ISLR2: variants seen among roughly 807,000 people sequenced by gnomAD.
ISLR2 encodes the protein immunoglobulin superfamily containing leucine rich repeat 2, also known as immunoglobulin superfamily containing leucine-rich repeat protein 2.
A neutral mutation model predicts 25.5 loss-of-function variants in ISLR2; 16 were observed. That is an observed-to-expected ratio of 0.63 (90% CI 0.43 to 0.95). The LOEUF (loss-of-function observed/expected upper bound fraction) is 0.95, where lower values mean the gene tolerates loss of function less well. ISLR2 is among the 40% of genes least tolerant of loss of function. ISLR2 has a pLI of 0.00. For missense variants in ISLR2, 883 were observed against 1,030.7 expected (o/e 0.86, Z 1.96); for synonymous variants, 508 against 486.6 (o/e 1.04, Z -0.58).
upstream of ISLR2, chr15:74,126,894 ATTTG>A (rs1404324335): frequency 8.8e-6 from 1 of 113,332 alleles, no homozygotes; most frequent in East Asian, 2.8e-4. Context: ...TGGAGAGAAC[ATTTG>A]TGTGTGTGTG....
At chr15:74,125,123 C>T (rs1452043423), upstream of ISLR2, among the ~76,000 whole-genome samples, 1 of 152,228 alleles carries the variant, frequency 6.6e-6, no homozygotes, top group Admixed American at 6.5e-5. Context: ...CTGGCTGCCT[C>T]AGAAAATCTC....
At chr15:74,106,502 C>T (rs915211320) in intron 2 of ISLR2, among the ~76,000 whole-genome samples, 1 of 152,138 alleles carries the variant, frequency 6.6e-6, no homozygotes, top group Non-Finnish European at 1.5e-5. Context: ...GGAAGCCCAT[C>T]CTGTTGGCTC....
chr15:74,127,392 T>G (rs1179718599), upstream of ISLR2: 11 of 152,310 alleles, frequency 7.2e-5, no homozygotes, highest in African/African-American at 2.6e-4. Context: ...ATAGGAAGGT[T>G]TTGTGCCAGG....
intron 2 of ISLR2, among the ~76,000 whole-genome samples, chr15:74,119,320 T>C (rs1426324963): frequency 6.6e-6 from 1 of 151,964 alleles, no homozygotes; most frequent in African/African-American, 2.4e-5. Context: ...AAGTGATCCT[T>C]CCACCTCAGC....
At chr15:74,126,357 T>TTTTTTTTG (rs2072296613), upstream of ISLR2, 1 of 143,258 alleles carries the variant, frequency 7.0e-6, no homozygotes, top group African/African-American at 2.7e-5. Flanking sequence ...ATTTTTTTTT[T>TTTTTTTTG]TTTTTTTTTT....
Position 74,133,662 on chromosome 15 carries a change from A to G in ISLR2, c.908A>G (p.Glu303Gly). 1.2e-6 allele frequency: 2 copies of G among 1,611,158 alleles called. No homozygotes were observed. Among genetic ancestry groups the G allele is most frequent in the Non-Finnish European group, 1.7e-6 (2 of 1,178,784 alleles). The change falls in exon 3 of 3, where the codon GAA becomes GGA. Residue 303 changes from glutamate to glycine, a missense_variant. Around this residue, in one of 2 missense-constraint regions of ISLR2, gnomAD observed 612 missense variants for 642.8 expected, o/e 0.95. Coordinates refer to ENST00000453268, the MANE Select transcript of ISLR2 (RefSeq NM_020851.3). ...DGVGAEEGEGEGDGDLLTQTQ... is the reference protein window; with the variant it reads ...DGVGAEEGEGGGDGDLLTQTQ... ...GTTGGGGCGGAGGAAGGAGAGGGAG[A>G]AGGAGATGGGGATTTGCTGACGCAG...
rs768712516 is a variant in ISLR2, at chr15:74,133,012, G to T, written c.258G>T (p.Glu86Asp). The T allele has an allele frequency of 3.7e-6, 6 of 1,613,182 alleles. No individual in the cohort carries two copies. In the African/African-American group the frequency reaches 8.0e-5, roughly 22 times the overall value. ...CGTCGCTGTGGCTGGCGCACAATGA[G>T]GTGCGCACCGTGGAGCCAGGCGCAC... ...QVTSLWLAHN[E>D]VRTVEPGALA... The change falls in exon 3 of 3, where the codon GAG becomes GAT. Residue 86 changes from glutamate (E) to aspartate (D), a missense_variant. Physicochemically the swap from Glu to Asp is conservative, Grantham distance 45. Coordinates refer to ENST00000453268, the MANE Select transcript of ISLR2 (RefSeq NM_020851.3).
chr15:74,108,781 G>T (rs1256654127), intron 2 of ISLR2, among the ~76,000 whole-genome samples: 1 of 152,354 alleles, frequency 6.6e-6, no homozygotes, highest in Admixed American at 6.5e-5. Context: ...ACTATGAGGT[G>T]CCCTCTGGGC....
Position 74,133,707 on chromosome 15 carries a change from C to G in ISLR2, c.953C>G (p.Thr318Ser). 6.2e-7 allele frequency: 1 copy of G among 1,608,450 alleles called. No individual in the cohort carries two copies. The highest frequency in any genetic ancestry group is 8.5e-7 in the Non-Finnish European group (1 of 1,177,434). ...ACGCAGACCCAAGCCCAAACGCCGACTCCAGCACCCGCTTGGCCGGCGCCC... is the reference window on the plus strand; with the variant it reads ...ACGCAGACCCAAGCCCAAACGCCGAGTCCAGCACCCGCTTGGCCGGCGCCC... The part of the protein sequence containing the change: ...LLTQTQAQTP[T>S]PAPAWPAPPA... Residue 318 changes from threonine to serine, a missense_variant, in exon 3 of 3, where the codon ACT (threonine) becomes AGT (serine). By Grantham distance (58) the Thr-to-Ser change is moderately conservative. Transcript: ENST00000453268.
upstream of ISLR2, among the ~76,000 whole-genome samples, chr15:74,125,083 T>C (rs932919972): frequency 2.0e-5 from 3 of 152,174 alleles, no homozygotes; most frequent in African/African-American, 7.2e-5. Context: ...GGCCCTACCC[T>C]TTACCATGGC....
At chr15:74,128,276 G>A, upstream of ISLR2, 3 of 343,514 alleles carry the variant, frequency 8.7e-6, no homozygotes, top group Non-Finnish European at 1.7e-5. Context: ...CTGCCCGGGC[G>A]GGCACTGGGC....
chr15:74,118,393 G>A (rs1053276489), intron 2 of ISLR2, among the ~76,000 whole-genome samples: 21 of 152,174 alleles, frequency 1.4e-4, no homozygotes, highest in Non-Finnish European at 2.9e-5. Context: ...AATTGCTAAT[G>A]AAGTTTCAGG....
At chr15:74,113,180 G>A (rs1351922850) in intron 2 of ISLR2, among the ~76,000 whole-genome samples, 1 of 152,202 alleles carries the variant, frequency 6.6e-6, no homozygotes, top group Non-Finnish European at 1.5e-5. Flanking sequence ...TGATCTGATG[G>A]GGGGCGGAGC....
rs961603163 is a variant in ISLR2 at position 74,132,905 on chromosome 15, G to A, written c.151G>A (p.Ala51Thr). The A allele has an allele frequency of 1.9e-6, 3 of 1,614,100 alleles. No homozygotes were observed. Among genetic ancestry groups the A allele is most frequent in the Middle Eastern group, 1.6e-4 (1 of 6,062 alleles). The change falls in exon 3 of 3, where the codon GCC (alanine) becomes ACC (threonine). Residue 51 changes from alanine to threonine, a missense_variant. Physicochemically the swap from Ala to Thr is moderately conservative, Grantham distance 58. This residue lies in a region of ISLR2 where 271 missense variants were observed against 387.9 expected (regional missense o/e 0.70). Transcript: ENST00000453268. This position sits in a 1 kb window ranked among gnomAD's most constrained non-coding sequence, Gnocchi z 4.3. ...GCGTGAGGTGCCGGAAGGACTGCCTGCCAACGTGACGACGCTTAGTCTGTC... is the reference window on the plus strand; with the variant it reads ...GCGTGAGGTGCCGGAAGGACTGCCTACCAACGTGACGACGCTTAGTCTGTC... The part of the protein sequence containing the change: ...ELREVPEGLP[A>T]NVTTLSLSAN...
rs1264170330 is a variant in ISLR2 at position 74,135,812 on chromosome 15, T to G, written c.*820T>G. The G allele has an allele frequency of 6.0e-6, 1 of 166,776 alleles. No individual in the cohort carries two copies. The highest frequency in any genetic ancestry group is 1.5e-5 in the Non-Finnish European group (1 of 68,220). The allele number at this position is 166,776 out of a possible 1,614,324, so 10.3% of individuals were successfully genotyped here. A position where few individuals can be genotyped will look rare whatever the true frequency, so the allele number is the denominator to read the frequency against. ...GGCACCGCGCCCGGCCCCTCCTCCC[T>G]TTCAATCCCTACTCCCAGAAGCCGG... On this transcript the variant is annotated 3_prime_UTR_variant, in exon 3 of 3. Transcript: ENST00000453268.
intron 2 of ISLR2, among the ~76,000 whole-genome samples, chr15:74,122,009 G>A (rs1251714495): frequency 2.0e-5 from 3 of 152,170 alleles, no homozygotes; most frequent in South Asian, 2.1e-4. Flanking sequence ...ACCTGAAGTG[G>A]GGGCGCCTGT....
chr15:74,132,835 G>A lies in ISLR2; in HGVS notation c.81G>A (p.Val27=). ...AGSCPEPCAC[V]DKYAHQFADC... ...CATGCCCGGAGCCGTGCGCCTGCGT[G>A]GACAAGTACGCTCACCAGTTCGCGG... is the stretch of plus-strand genomic sequence containing the variant. Residue 27 remains valine, a synonymous_variant, in exon 3 of 3, where the codon GTG becomes GTA. Transcript: ENST00000453268. The surrounding 1 kb of genome is among the most constrained non-coding windows in gnomAD (Gnocchi z 4.3). 2.5e-6 allele frequency: 4 copies of A among 1,614,110 alleles called. No homozygotes were observed. In the South Asian group the frequency reaches 4.4e-5, roughly 18 times the overall value.
chr15:74,138,809 A>G (rs1022435068), downstream of ISLR2, among the ~76,000 whole-genome samples: 37 of 152,322 alleles, frequency 2.4e-4, no homozygotes, highest in African/African-American at 8.9e-4. Flanking sequence ...TCTTAGGAAG[A>G]CACCTGTTTT....
At chr15:74,122,983 G>A in intron 2 of ISLR2, among the ~76,000 whole-genome samples, 1 of 152,188 alleles carries the variant, frequency 6.6e-6, no homozygotes. Flanking sequence ...ACGGAATGGA[G>A]GACTGAGAGT....
Sources: allele counts gnomAD v4.1 joint callset (sites outside exome capture counted in the v4.1 genomes callset), GRCh38; gene constraint gnomAD v4.1.1; regional missense constraint gnomAD v4.1.1; non-coding constraint Gnocchi (gnomAD v3.1); transcripts MANE v1.5; gene names NCBI Gene and HGNC (gene_info 2026-07-23, HGNC 2026-07-21).